The following TSNARE1 variants were observed in gnomAD, a reference collection of about 807,000 sequenced individuals.
The protein encoded by TSNARE1 is t-SNARE domain-containing protein 1.
TSNARE1 carries 49 observed loss-of-function variants against 62.0 expected under a neutral mutation model. The observed-to-expected ratio is 0.79, with a 90% CI of 0.63 to 1.00. TSNARE1 has a LOEUF of 1.00. TSNARE1 is among the 50% of genes least tolerant of loss of function. The probability of loss-of-function intolerance (pLI) is 0.00; values close to 1 mark genes in which losing one functional copy is unlikely to be tolerated. For synonymous variants in TSNARE1, 328 were observed against 294.4 expected (o/e 1.11, Z -1.17); for missense variants, 755 against 700.1 (o/e 1.08, Z -0.88).
intron 9 of TSNARE1, among the ~76,000 whole-genome samples, chr8:142,306,284 G>A (rs1826652008): frequency 6.6e-6 from 1 of 152,236 alleles, no homozygotes; most frequent in Admixed American, 6.5e-5. Context: ...ATGGAGGCGT[G>A]TCTAGGCAAT....
chr8:142,339,568 C>T (rs1320667029), intron 4 of TSNARE1, among the ~76,000 whole-genome samples: 1 of 152,228 alleles, frequency 6.6e-6, no homozygotes, highest in Non-Finnish European at 1.5e-5. Context: ...GCAAGGTTCA[C>T]CCCAGGGAGA....
chr8:142,274,796 T>C lies in TSNARE1; in HGVS notation c.1431A>G (p.Gly477=). 6.3e-7 allele frequency: 1 copy of C among 1,575,848 alleles called. No individual in the cohort carries two copies. The highest frequency in any genetic ancestry group is 8.6e-7 in the Non-Finnish European group (1 of 1,161,606). ...HAEAARQLLA[G]ASRHQLQRHK... The stretch of plus-strand genomic sequence containing the variant: ...ACGGACTTACTTGGTGCCGGCTGGC[T>C]CCAGCCAGGAGCTGGCGGGCTGCCT... The change falls in exon 12 of 14, where the codon GGA becomes GGG. Residue 477 remains glycine (G), a synonymous_variant. Coordinates refer to ENST00000524325, the MANE Select transcript of TSNARE1 (RefSeq NM_145003.5).
chr8:142,314,132 C>G (rs1052400779), intron 9 of TSNARE1, among the ~76,000 whole-genome samples: 1 of 152,238 alleles, frequency 6.6e-6, no homozygotes, highest in East Asian at 1.9e-4. Context: ...AGCAGGAGAG[C>G]TGGTCTGACC....
intron 12 of TSNARE1, among the ~76,000 whole-genome samples, chr8:142,244,840 G>A (rs1298972997): frequency 6.6e-6 from 1 of 152,262 alleles, no homozygotes; most frequent in East Asian, 1.9e-4. Context: ...AGGGAGCAGG[G>A]CAGACCGGCA....
chr8:142,240,775 C>T (rs1817639860), intron 12 of TSNARE1, among the ~76,000 whole-genome samples: 1 of 152,120 alleles, frequency 6.6e-6, no homozygotes, highest in Admixed American at 6.5e-5. Flanking sequence ...TAGACATATA[C>T]AGTTTCTAAA....
At chr8:142,320,292 C>T (rs13248764) in intron 6 of TSNARE1, among the ~76,000 whole-genome samples, 1 of 152,182 alleles carries the variant, frequency 6.6e-6, no homozygotes, top group African/African-American at 2.4e-5. Flanking sequence ...TAGCGCTGCT[C>T]TAAGCCCACG....
intron 12 of TSNARE1, chr8:142,273,703 G>C: frequency 1.0e-6 from 1 of 985,406 alleles, no homozygotes; most frequent in Non-Finnish European, 1.2e-6. Context: ...CTCCCACAGT[G>C]GGGGTGCCCG....
intron 12 of TSNARE1, chr8:142,270,479 GGC>G: frequency 1.2e-6 from 1 of 855,316 alleles, no homozygotes; most frequent in Non-Finnish European, 1.4e-6. Flanking sequence ...GTAATATATA[GGC>G]ATATATATAT....
intron 9 of TSNARE1, among the ~76,000 whole-genome samples, chr8:142,301,089 C>T (rs902604341): frequency 2.7e-5 from 4 of 149,680 alleles, no homozygotes; most frequent in Middle Eastern, 3.5e-3. Context: ...GGCCACAGTG[C>T]CCCCCACCTT....
At chr8:142,341,101 G>A (rs1445768284) in intron 4 of TSNARE1, among the ~76,000 whole-genome samples, 1 of 152,196 alleles carries the variant, frequency 6.6e-6, no homozygotes, top group Admixed American at 6.5e-5. Context: ...CACTCCCCCA[G>A]ACCCCTCCCC....
intron 3 of TSNARE1, among the ~76,000 whole-genome samples, chr8:142,345,045 G>A (rs920808371): frequency 2.6e-5 from 4 of 152,200 alleles, no homozygotes; most frequent in Non-Finnish European, 4.4e-5. Context: ...GGACGTGGTG[G>A]CCTGGTCGGC....
chr8:142,405,327 C>T (rs1838569801), upstream of TSNARE1: 1 of 152,270 alleles, frequency 6.6e-6, no homozygotes, highest in African/African-American at 2.4e-5. Flanking sequence ...TCCCTCCTTC[C>T]TCCAGAGAAG....
At chr8:142,392,985 T>A (rs894342029) in intron 1 of TSNARE1, among the ~76,000 whole-genome samples, 1 of 148,012 alleles carries the variant, frequency 6.8e-6, no homozygotes, top group African/African-American at 2.5e-5. Context: ...CTCACAAGAG[T>A]GGCTGCTGTG....
intron 1 of TSNARE1, among the ~76,000 whole-genome samples, chr8:142,394,938 G>A (rs1837794145): frequency 6.6e-6 from 1 of 152,178 alleles, no homozygotes; most frequent in Non-Finnish European, 1.5e-5. Context: ...TCTCCATAAG[G>A]AGAGATGCAA....
intron 11 of TSNARE1, among the ~76,000 whole-genome samples, chr8:142,283,674 T>TGGGACCAGTGTCTGTCAATGAGCGGAGGC (rs1822139558): frequency 1.2e-5 from 1 of 83,386 alleles, no homozygotes; most frequent in Non-Finnish European, 2.4e-5. Context: ...TGAGCGGAGG[T>TGGGACCAGTGTCTGTCAATGAGCGGAGGC]GGGACCAGTG....
At chr8:142,230,377 T>C (rs1189110219) in intron 12 of TSNARE1, among the ~76,000 whole-genome samples, 1 of 152,300 alleles carries the variant, frequency 6.6e-6, no homozygotes, top group East Asian at 1.9e-4. Flanking sequence ...GATGAGACAG[T>C]CCTGCAAATT....
At chr8:142,296,300 G>A (rs1479897563) in intron 10 of TSNARE1, among the ~76,000 whole-genome samples, 68 of 68,026 alleles carry the variant, frequency 1.0e-3, no homozygotes, top group African/African-American at 3.7e-3. Flanking sequence ...GGGGGAGGGG[G>A]TGGTGACTGT....
At position 142,308,435 on chromosome 8, in the gene TSNARE1, T is replaced by G. The variant is rs374285920; in HGVS notation, c.1131+5949A>C. Among the ~76,000 whole-genome samples, 7 of 152,224 alleles carry G rather than the reference T, an allele frequency of 4.6e-5. No homozygotes were observed. In the East Asian group the frequency reaches 1.2e-3, roughly 25 times the overall value. On this transcript the variant is annotated intron_variant, in intron 9 of 13. Coordinates refer to ENST00000524325, the MANE Select transcript of TSNARE1 (RefSeq NM_145003.5). ...TTTTTTTCCAGTTCAAACATCCGAG[T>G]GATCCGTATCAAGCTCTGAATGAAT... is the stretch of plus-strand genomic sequence containing the variant.
rs1049584477 is a variant in TSNARE1, at chr8:142,329,273, G to T, written c.893+1628C>A. On this transcript the variant is annotated intron_variant, in intron 6 of 13. Coordinates refer to ENST00000524325, the MANE Select transcript of TSNARE1 (RefSeq NM_145003.5). ...TTTCCAGACCTAAGAGCTAAGGCCG[G>T]CCCAGGGGAGAGCCAAGGTGCCGGG... Among the ~76,000 whole-genome samples the T allele has an allele frequency of 1.5e-4, 23 of 152,214 alleles. No individual in the cohort carries two copies. The South Asian group carries it at 1.7e-3, about 11-fold the overall frequency.
Sources: gnomAD v4.1 joint callset for allele counts (sites outside exome capture counted in the v4.1 genomes callset) on GRCh38, gnomAD v4.1.1 for gene constraint, MANE v1.5 for transcripts, NCBI Gene and HGNC (gene_info 2026-07-23, HGNC 2026-07-21) for gene names.